Variants in AGBL4 observed in about 807,000 individuals in gnomAD.
AGBL4 encodes AGBL carboxypeptidase 4.
AGBL4 carries 58 observed loss-of-function variants against 66.4 expected under a neutral mutation model. That is an observed-to-expected ratio of 0.87 (90% confidence interval 0.71 to 1.09). AGBL4 has a LOEUF of 1.09. Among genes scored for constraint, AGBL4 ranks in the 50% least tolerant of loss-of-function variants. The pLI, the probability that AGBL4 is intolerant of heterozygous loss-of-function variation, is 0.00. For synonymous variants in AGBL4, 234 were observed against 222.9 expected (o/e 1.05, Z -0.44); for missense variants, 579 against 631.0 (o/e 0.92, Z 0.88).
intron 3 of AGBL4, among the ~76,000 whole-genome samples, chr1:49,345,779 G>C (rs1286779222): frequency 1.3e-5 from 2 of 152,100 alleles, no homozygotes; most frequent in Admixed American, 6.5e-5. Flanking sequence ...AACTATTTGT[G>C]AGTATTCTTA....
At chr1:48,571,204 T>C (rs1210184104) in intron 11 of AGBL4, among the ~76,000 whole-genome samples, 3 of 152,206 alleles carry the variant, frequency 2.0e-5, no homozygotes, top group Non-Finnish European at 4.4e-5. Flanking sequence ...TTGCCCAAAG[T>C]CACACAGGGC....
chr1:48,557,399 G>A (rs1644336477), intron 11 of AGBL4, among the ~76,000 whole-genome samples: 1 of 152,072 alleles, frequency 6.6e-6, no homozygotes, highest in South Asian at 2.1e-4. Flanking sequence ...TGGGTATGGA[G>A]GCAAATGTCA....
At chr1:48,776,551 CCGGGGTCCCA>C in intron 6 of AGBL4, 2 of 1,295,586 alleles carry the variant, frequency 1.5e-6, no homozygotes, top group Non-Finnish European at 2.0e-6. Context: ...CCGGCCCCTC[CCGGGGTCCCA>C]GCCCCCGCCC....
chr1:49,850,182 T>C (rs890953634), intron 2 of AGBL4, among the ~76,000 whole-genome samples: 1 of 152,138 alleles, frequency 6.6e-6, no homozygotes, highest in Non-Finnish European at 1.5e-5. Context: ...TCCCAATCCA[T>C]TGTGACTGAC....
At chr1:48,903,007 TG>T (rs1253283663) in intron 5 of AGBL4, among the ~76,000 whole-genome samples, 2 of 152,180 alleles carry the variant, frequency 1.3e-5, no homozygotes, top group African/African-American at 4.8e-5. Context: ...TGTAGCTTCT[TG>T]GATCTTCTCA....
intron 5 of AGBL4, among the ~76,000 whole-genome samples, chr1:48,936,557 G>A (rs1655495957): frequency 6.6e-6 from 1 of 152,186 alleles, no homozygotes; most frequent in African/African-American, 2.4e-5. Context: ...ACTGCACTCT[G>A]ATGGTTGATT....
At chr1:48,571,842 T>C (rs1170671467) in intron 11 of AGBL4, among the ~76,000 whole-genome samples, 1 of 152,182 alleles carries the variant, frequency 6.6e-6, no homozygotes, top group Non-Finnish European at 1.5e-5. Flanking sequence ...CCTCTGGGCA[T>C]GCTGACAACC....
At chr1:49,908,006 G>A (rs1650442965) in intron 1 of AGBL4, among the ~76,000 whole-genome samples, 1 of 152,060 alleles carries the variant, frequency 6.6e-6, no homozygotes, top group Non-Finnish European at 1.5e-5. Flanking sequence ...CTGAGAATTA[G>A]AAAAATTAAG....
intron 5 of AGBL4, among the ~76,000 whole-genome samples, chr1:49,036,911 G>A (rs1237117950): frequency 1.3e-5 from 2 of 151,946 alleles, no homozygotes; most frequent in Non-Finnish European, 2.9e-5. Context: ...ATCAAAGAGA[G>A]GAAGTCACAG....
At chr1:48,679,092 T>C (rs1306215001) in intron 6 of AGBL4, among the ~76,000 whole-genome samples, 1 of 152,126 alleles carries the variant, frequency 6.6e-6, no homozygotes, top group Admixed American at 6.5e-5. Context: ...AAGCACGGGG[T>C]ACTGGGGAGC....
intron 1 of AGBL4, among the ~76,000 whole-genome samples, chr1:49,857,522 C>T (rs961034535): frequency 3.9e-5 from 6 of 152,024 alleles, no homozygotes; most frequent in African/African-American, 7.2e-5. Context: ...AGTAAATAAA[C>T]AGATACATAG....
chr1:49,094,527 G>T (rs1645057511), intron 4 of AGBL4, among the ~76,000 whole-genome samples: 1 of 152,118 alleles, frequency 6.6e-6, no homozygotes, highest in Non-Finnish European at 1.5e-5. Context: ...TTGCATCCCA[G>T]GGATGAAGCC....
chr1:49,911,214 G>A (rs116538274), intron 1 of AGBL4, among the ~76,000 whole-genome samples: 15 of 152,064 alleles, frequency 9.9e-5, no homozygotes, highest in South Asian at 2.1e-4. Context: ...ATGAGAGTCC[G>A]GATTAAAAAT....
At chr1:49,483,175 T>G (rs1646992583) in intron 3 of AGBL4, among the ~76,000 whole-genome samples, 1 of 152,110 alleles carries the variant, frequency 6.6e-6, no homozygotes, top group African/African-American at 2.4e-5. Context: ...CTTTGTTAAT[T>G]TTCTGTCTTG....
chr1:49,575,534 C>T (rs548953282), intron 3 of AGBL4, among the ~76,000 whole-genome samples: 1 of 152,196 alleles, frequency 6.6e-6, no homozygotes, highest in Non-Finnish European at 1.5e-5. Context: ...TTGAAAGATG[C>T]AGGTGTGGTG....
Position 49,636,555 on chromosome 1 carries a change from A to G in AGBL4, c.282+60758T>C, listed in dbSNP as rs149205787. ...GATATATGGAAATGAGAATGAACAA[A>G]CATCTACTACATTAAATAATGAATA... On this transcript the variant is annotated intron_variant, in intron 3 of 13. Transcript: ENST00000371839. 1.1e-3 allele frequency among the ~76,000 whole-genome samples: 166 copies of G among 152,354 alleles called. 1 individual carries two copies. The highest frequency in any genetic ancestry group is 3.8e-3 in the African/African-American group (156 of 41,588).
intron 6 of AGBL4, among the ~76,000 whole-genome samples, chr1:48,781,311 G>A (rs1040911247): frequency 1.1e-4 from 17 of 152,164 alleles, no homozygotes; most frequent in African/African-American, 4.1e-4. Context: ...ACCCTTGGAC[G>A]GCACCAGAAA....
At chr1:49,992,328 C>T (rs1019139670) in intron 1 of AGBL4, among the ~76,000 whole-genome samples, 3 of 150,582 alleles carry the variant, frequency 2.0e-5, no homozygotes, top group African/African-American at 4.9e-5. Flanking sequence ...GGCGAGACCG[C>T]GCCACTGCAC....
chr1:49,930,886 G>A (rs959905576), intron 1 of AGBL4, among the ~76,000 whole-genome samples: 3 of 152,100 alleles, frequency 2.0e-5, no homozygotes, highest in African/African-American at 7.2e-5. Context: ...ATTCAACATT[G>A]TATTTGAAAT....
Sources: gnomAD v4.1 joint callset for allele counts (sites outside exome capture counted in the v4.1 genomes callset) on GRCh38, gnomAD v4.1.1 for gene constraint, MANE v1.5 for transcripts, NCBI Gene and HGNC (gene_info 2026-07-23, HGNC 2026-07-21) for gene names.